GPC5: variants seen among roughly 807,000 people sequenced by gnomAD.
GPC5 encodes the protein glypican-5.
A neutral mutation model predicts 53.9 loss-of-function variants in GPC5; 47 were observed. The observed-to-expected ratio is 0.87, with a 90% CI of 0.69 to 1.11. The LOEUF (loss-of-function observed/expected upper bound fraction) is 1.11, where lower values mean the gene tolerates loss of function less well. Ranked by LOEUF, GPC5 falls within the 50% of genes most tolerant of loss-of-function variation. The pLI, the probability that GPC5 is intolerant of heterozygous loss-of-function variation, is 0.00. For synonymous variants in GPC5, 286 were observed against 263.3 expected (o/e 1.09, Z -0.84); for missense variants, 748 against 713.1 (o/e 1.05, Z -0.56).
rs183932247 is a variant in GPC5, at chr13:92,554,360, A to G, written c.1562-311922A>G. The stretch of plus-strand genomic sequence containing the variant: ...TAACAGTGAAGCATACTGATTCTCA[A>G]TAACATCAAAAATGTAGAAAACCTA... On this transcript the variant is annotated intron_variant, in intron 7 of 7. Transcript: ENST00000377067. 1.7e-3 allele frequency among the ~76,000 whole-genome samples: 258 copies of G among 152,006 alleles called. 1 individual carries two copies. The highest frequency in any genetic ancestry group is 6.1e-3 in the African/African-American group (252 of 41,534).
At chr13:91,879,364 T>C (rs1432707046) in intron 5 of GPC5, among the ~76,000 whole-genome samples, 1 of 152,208 alleles carries the variant, frequency 6.6e-6, no homozygotes, top group African/African-American at 2.4e-5. Flanking sequence ...GTCATGCATG[T>C]TAAATATCAT....
intron 5 of GPC5, among the ~76,000 whole-genome samples, chr13:91,760,808 G>T (rs1013611977): frequency 2.0e-5 from 3 of 152,166 alleles, no homozygotes; most frequent in African/African-American, 7.2e-5. Context: ...TGTGATTGTA[G>T]ATGAAAATGT....
intron 7 of GPC5, among the ~76,000 whole-genome samples, chr13:92,589,970 C>T (rs1883663968): frequency 6.6e-6 from 1 of 152,098 alleles, no homozygotes; most frequent in Admixed American, 6.5e-5. Flanking sequence ...ATGAGTGCCA[C>T]CCAGGGAAGA....
chr13:92,653,384 T>C (rs74107087), intron 7 of GPC5, among the ~76,000 whole-genome samples: 1 of 151,994 alleles, frequency 6.6e-6, no homozygotes, highest in Non-Finnish European at 1.5e-5. Flanking sequence ...AGTTGAAGAG[T>C]TGTTGATAGG....
chr13:91,647,819 C>T (rs2034598244), intron 2 of GPC5, among the ~76,000 whole-genome samples: 1 of 152,230 alleles, frequency 6.6e-6, no homozygotes, highest in Non-Finnish European at 1.5e-5. Flanking sequence ...CCCCTAATAA[C>T]ATTCTTGCAA....
chr13:91,926,394 T>G (rs1212875788), intron 6 of GPC5, among the ~76,000 whole-genome samples: 1 of 150,978 alleles, frequency 6.6e-6, no homozygotes, highest in East Asian at 1.9e-4. Flanking sequence ...TATGCAAAGC[T>G]TTGGAGTATA....
At chr13:91,857,518 A>G (rs1382511042) in intron 5 of GPC5, among the ~76,000 whole-genome samples, 7 of 150,910 alleles carry the variant, frequency 4.6e-5, no homozygotes, top group Non-Finnish European at 7.4e-5. Context: ...CTTGTTTTAT[A>G]TATTTCTTAT....
At chr13:91,888,423 T>C (rs1177917078) in intron 5 of GPC5, among the ~76,000 whole-genome samples, 1 of 152,188 alleles carries the variant, frequency 6.6e-6, no homozygotes, top group Non-Finnish European at 1.5e-5. Flanking sequence ...TAAATTAGTT[T>C]ATTATTCTAC....
intron 7 of GPC5, among the ~76,000 whole-genome samples, chr13:92,275,232 C>A (rs1282495830): frequency 6.6e-6 from 1 of 152,034 alleles, no homozygotes; most frequent in South Asian, 2.1e-4. Context: ...ACATAATTTT[C>A]TTTAAAATAC....
At chr13:91,801,942 C>T (rs146373221) in intron 5 of GPC5, among the ~76,000 whole-genome samples, 1 of 152,284 alleles carries the variant, frequency 6.6e-6, no homozygotes, top group East Asian at 1.9e-4. Flanking sequence ...AGATTATCTT[C>T]TTTGTTGCGT....
intron 2 of GPC5, chr13:91,486,054 G>A (rs889083205): frequency 1.3e-5 from 2 of 152,212 alleles, no homozygotes; most frequent in Non-Finnish European, 2.9e-5. Context: ...TCAGGCTGCA[G>A]AGCCACATTC....
At chr13:91,624,467 T>C (rs1189955763) in intron 2 of GPC5, among the ~76,000 whole-genome samples, 1 of 152,162 alleles carries the variant, frequency 6.6e-6, no homozygotes, top group African/African-American at 2.4e-5. Context: ...GTGGGAGATA[T>C]TCATATGTTT....
At chr13:91,411,469 A>G (rs575662153) in intron 1 of GPC5, among the ~76,000 whole-genome samples, 63 of 152,260 alleles carry the variant, frequency 4.1e-4, no homozygotes, top group African/African-American at 1.5e-3. Flanking sequence ...CCTGGGCCCT[A>G]TCAGTGGGCA....
At chr13:92,477,255 G>A (rs1201085400) in intron 7 of GPC5, among the ~76,000 whole-genome samples, 1 of 151,576 alleles carries the variant, frequency 6.6e-6, no homozygotes, top group Non-Finnish European at 1.5e-5. Flanking sequence ...AGAACAACTT[G>A]TTCACATCCC....
chr13:92,022,281 G>A (rs1234274816), intron 6 of GPC5, among the ~76,000 whole-genome samples: 8 of 152,298 alleles, frequency 5.3e-5, no homozygotes, highest in South Asian at 2.1e-4. Flanking sequence ...GATTACAGGG[G>A]TGAGCCACCG....
intron 4 of GPC5, among the ~76,000 whole-genome samples, chr13:91,737,152 TG>T (rs2036834297): frequency 6.6e-6 from 1 of 151,328 alleles, no homozygotes; most frequent in Non-Finnish European, 1.5e-5. Context: ...CTTATTACAG[TG>T]ACTCAGATTT....
chr13:92,224,920 G>A (rs1410984614), intron 7 of GPC5, among the ~76,000 whole-genome samples: 1 of 152,120 alleles, frequency 6.6e-6, no homozygotes. Flanking sequence ...TCATCACTAT[G>A]AGTACAGCTG....
chr13:92,467,737 C>CT (rs1878753685), intron 7 of GPC5, among the ~76,000 whole-genome samples: 1 of 152,076 alleles, frequency 6.6e-6, no homozygotes, highest in Non-Finnish European at 1.5e-5. Context: ...TCAGTATTGC[C>CT]TAGATGTAGG....
chr13:92,089,923 A>G (rs2041366062), intron 6 of GPC5, among the ~76,000 whole-genome samples: 1 of 152,282 alleles, frequency 6.6e-6, no homozygotes, highest in South Asian at 2.1e-4. Context: ...ATAAGAAGAC[A>G]ATGTTTAATT....
Sources: gnomAD v4.1 joint callset for allele counts (sites outside exome capture counted in the v4.1 genomes callset) on GRCh38, gnomAD v4.1.1 for gene constraint, MANE v1.5 for transcripts, NCBI Gene and HGNC (gene_info 2026-07-23, HGNC 2026-07-21) for gene names.